Variants in ME3 observed in about 807,000 individuals in gnomAD.
ME3 encodes the protein malic enzyme 3.
In ME3, 48 loss-of-function variants were observed where a neutral mutation model predicts 68.9. The observed-to-expected ratio is 0.70, with a 90% CI of 0.55 to 0.89. The LOEUF (loss-of-function observed/expected upper bound fraction) is 0.89. Among genes scored for constraint, ME3 ranks in the 40% least tolerant of loss-of-function variants. The pLI is 0.00. For missense variants in ME3, 675 were observed against 797.4 expected, an observed-to-expected ratio of 0.85 and a Z score of 1.85; for synonymous variants, 320 against 318.8, an observed-to-expected ratio of 1.00 and a Z score of -0.04.
At chr11:86,581,141 T>C (rs754535581) in intron 2 of ME3, among the ~76,000 whole-genome samples, 4 of 152,288 alleles carry the variant, frequency 2.6e-5, no homozygotes, top group East Asian at 1.9e-4. Context: ...TAAAAAAATA[T>C]ATAGATTTCA....
At chr11:86,604,891 G>A (rs1022268128) in intron 2 of ME3, among the ~76,000 whole-genome samples, 1 of 152,132 alleles carries the variant, frequency 6.6e-6, no homozygotes, top group Non-Finnish European at 1.5e-5. Context: ...TAAAGTGAAT[G>A]ATTTAATAAC....
Position 86,559,954 on chromosome 11 carries a change from A to T in ME3, c.184-131T>A, listed in dbSNP as rs1594446384. The T allele has an allele frequency of 6.6e-6, 6 of 911,814 alleles. No homozygotes were observed. In the East Asian group the frequency reaches 1.8e-4, roughly 27 times the overall value. The allele number at this position is 911,814 out of a possible 1,614,324, so 56.5% of individuals were successfully genotyped here. On this transcript the variant is annotated intron_variant, in intron 2 of 14. Coordinates refer to ENST00000543262, the Ensembl canonical transcript of ME3. ...AGAAAGGGCCCTCAACTCAAATTCC[A>T]CCTCTGCTATTAAAGTAGGAGGGTC...
At chr11:86,447,627 G>A (rs867992887) in intron 11 of ME3, among the ~76,000 whole-genome samples, 1 of 152,054 alleles carries the variant, frequency 6.6e-6, no homozygotes, top group South Asian at 2.1e-4. Context: ...GCAGTGGGGT[G>A]GGTACAGATC....
chr11:86,639,613 T>C (rs544613764), intron 2 of ME3, among the ~76,000 whole-genome samples: 3 of 152,332 alleles, frequency 2.0e-5, no homozygotes, highest in African/African-American at 7.2e-5. Flanking sequence ...GATTCAAAGC[T>C]AATTCTCTCT....
chr11:86,438,311 A>G (rs183459821), downstream of ME3, among the ~76,000 whole-genome samples: 261 of 152,270 alleles, frequency 1.7e-3, 2 homozygotes, highest in African/African-American at 6.0e-3. Flanking sequence ...TTAAAAAACT[A>G]CGTTTCTGAG....
chr11:86,650,647 G>A (rs1395654750), intron 2 of ME3, among the ~76,000 whole-genome samples: 1 of 152,190 alleles, frequency 6.6e-6, no homozygotes, highest in Admixed American at 6.5e-5. Context: ...AACAGCTCCA[G>A]TCTACAGCTC....
At chr11:86,550,566 G>A (rs1956614370) in intron 4 of ME3, among the ~76,000 whole-genome samples, 1 of 152,228 alleles carries the variant, frequency 6.6e-6, no homozygotes, top group African/African-American at 2.4e-5. Context: ...CAGCACAGCT[G>A]AAAGTTTCGC....
chr11:86,646,226 C>T (rs1188495957), intron 2 of ME3, among the ~76,000 whole-genome samples: 21 of 152,158 alleles, frequency 1.4e-4, no homozygotes, highest in Admixed American at 1.3e-3. Flanking sequence ...AAGTAGGCTT[C>T]AGAAGGTGGG....
intron 2 of ME3, among the ~76,000 whole-genome samples, chr11:86,608,199 T>C (rs1425356658): frequency 6.6e-6 from 1 of 152,174 alleles, no homozygotes; most frequent in Non-Finnish European, 1.5e-5. Context: ...AGATTAAAGT[T>C]CAGCTGCAGC....
intron 4 of ME3, among the ~76,000 whole-genome samples, chr11:86,539,895 C>G (rs1190150229): frequency 6.6e-6 from 1 of 152,198 alleles, no homozygotes; most frequent in South Asian, 2.1e-4. Flanking sequence ...CTAAAGATAG[C>G]TGATGAGCTT....
chr11:86,555,630 A>G (rs1956889257), intron 4 of ME3, among the ~76,000 whole-genome samples: 1 of 152,224 alleles, frequency 6.6e-6, no homozygotes, highest in African/African-American at 2.4e-5. Flanking sequence ...GGAAAGAAAC[A>G]GGACTGGCAT....
chr11:86,586,411 C>T (rs547716655), intron 2 of ME3, among the ~76,000 whole-genome samples: 1 of 152,304 alleles, frequency 6.6e-6, no homozygotes, highest in African/African-American at 2.4e-5. Context: ...GTTAGAATCA[C>T]TGATTTCTGA....
intron 8 of ME3, among the ~76,000 whole-genome samples, chr11:86,454,012 A>G (rs189774151): frequency 1.3e-5 from 2 of 152,386 alleles, no homozygotes; most frequent in South Asian, 2.1e-4. Flanking sequence ...AGCAAGTGGT[A>G]TAGACTCTGA....
At chr11:86,497,904 C>T (rs1952466701) in intron 6 of ME3, 59 bp downstream of exon 6, 13 of 1,521,096 alleles carry the variant, frequency 8.5e-6, no homozygotes, top group Admixed American at 2.0e-5. Context: ...ACATGCTCCT[C>T]ACCCTGTCCC....
chr11:86,522,248 T>TCAAACAAA (rs67315994), intron 4 of ME3, among the ~76,000 whole-genome samples: 2 of 150,008 alleles, frequency 1.3e-5, no homozygotes, highest in South Asian at 2.1e-4. Flanking sequence ...AGACTCTGTC[T>TCAAACAAA]CAAACAAACA....
chr11:86,654,969 C>T (rs1012385687), intron 2 of ME3, among the ~76,000 whole-genome samples: 7 of 152,040 alleles, frequency 4.6e-5, no homozygotes, highest in African/African-American at 1.7e-4. Flanking sequence ...AAACAGAGAG[C>T]CAAATCATGA....
At chr11:86,627,210 GC>G (rs1943718727) in intron 2 of ME3, among the ~76,000 whole-genome samples, 1 of 152,172 alleles carries the variant, frequency 6.6e-6, no homozygotes, top group South Asian at 2.1e-4. Context: ...TGGGTTATAG[GC>G]CCCTATTTGT....
chr11:86,614,856 C>T (rs994679060), intron 2 of ME3, among the ~76,000 whole-genome samples: 1 of 152,128 alleles, frequency 6.6e-6, no homozygotes, highest in African/African-American at 2.4e-5. Flanking sequence ...CATTGTATTG[C>T]ATATTAAGAG....
chr11:86,476,228 G>A (rs1276021512), intron 7 of ME3, among the ~76,000 whole-genome samples: 1 of 152,116 alleles, frequency 6.6e-6, no homozygotes, highest in Non-Finnish European at 1.5e-5. Flanking sequence ...CCTATCTGCA[G>A]GCCTGAATGA....
Sources: allele counts gnomAD v4.1 joint callset (sites outside exome capture counted in the v4.1 genomes callset), GRCh38; gene constraint gnomAD v4.1.1; transcripts MANE v1.5; gene names NCBI Gene and HGNC (gene_info 2026-07-23, HGNC 2026-07-21).